The following CBLB variants were observed in gnomAD, a reference collection of about 807,000 sequenced individuals.
CBLB encodes the protein Cbl proto-oncogene B, also known as E3 ubiquitin-protein ligase CBL-B.
Under a neutral mutation model 104.9 loss-of-function variants are expected in CBLB, and 31 were observed. The ratio of observed to expected loss-of-function variants is 0.30; its 90% CI spans 0.22 to 0.40. The LOEUF (loss-of-function observed/expected upper bound fraction) is 0.40. Ranked by LOEUF, CBLB falls within the 10% of genes least tolerant of loss-of-function variation. The pLI, the probability that CBLB is intolerant of heterozygous loss-of-function variation, is 1.00. For synonymous variants in CBLB, 440 were observed against 422.6 expected (o/e 1.04, Z -0.51); for missense variants, 1,062 against 1,214.6 (o/e 0.87, Z 1.87).
chr3:105,819,717 G>A (rs2085562745), intron 3 of CBLB, among the ~76,000 whole-genome samples: 2 of 152,130 alleles, frequency 1.3e-5, no homozygotes. Flanking sequence ...TGGACTCACT[G>A]TCTTACATAG....
chr3:105,714,696 C>T (rs913859206), intron 10 of CBLB, among the ~76,000 whole-genome samples: 1 of 152,090 alleles, frequency 6.6e-6, no homozygotes, highest in Non-Finnish European at 1.5e-5. Context: ...GCTGCACAGC[C>T]GATTCCTAAC....
At chr3:105,721,236 A>G (rs1017587936) in intron 9 of CBLB, among the ~76,000 whole-genome samples, 5 of 152,228 alleles carry the variant, frequency 3.3e-5, no homozygotes, top group Admixed American at 6.5e-5. Flanking sequence ...CAAGGGATGC[A>G]GAGAGCTGAC....
chr3:105,783,268 T>C (rs926531306), intron 3 of CBLB, among the ~76,000 whole-genome samples: 2 of 130,760 alleles, frequency 1.5e-5, no homozygotes, highest in African/African-American at 5.1e-5. Context: ...GGTAAGACCC[T>C]GATGCATCTA....
At position 105,826,841 on chromosome 3, in the gene CBLB, G is replaced by T. The variant is rs2086652682; in HGVS notation, c.419+26573C>A. On this transcript the variant is annotated intron_variant, in intron 3 of 18. Coordinates refer to ENST00000394030, the MANE Select transcript of CBLB (RefSeq NM_170662.5). The stretch of plus-strand genomic sequence containing the variant: ...GAGGATTTTCTATGTTGGTATGAAA[G>T]GAAATGTTCCCTCAACTTTCTCATT... 4.6e-5 allele frequency among the ~76,000 whole-genome samples: 7 copies of T among 152,244 alleles called. No homozygotes were observed. In the South Asian group the frequency reaches 1.5e-3, roughly 32 times the overall value.
At chr3:105,713,730 A>G (rs2071436539) in intron 10 of CBLB, among the ~76,000 whole-genome samples, 1 of 152,216 alleles carries the variant, frequency 6.6e-6, no homozygotes. Flanking sequence ...ACAGAGTGCA[A>G]GTAAACGATG....
chr3:105,665,630 GA>G lies in CBLB; in HGVS notation c.2689+4602del, dbSNP rs2064354994. The stretch of plus-strand genomic sequence containing the variant: ...ATATATAAATGTATAATTATAAACA[GA>G]TAATATAAAATATACATTATTAAAT... On this transcript the variant is annotated intron_variant, in intron 18 of 18. Transcript: ENST00000394030. Among the ~76,000 whole-genome samples the G allele has an allele frequency of 4.1e-5, 6 of 146,108 alleles. No homozygotes were observed. In the South Asian group the frequency reaches 1.3e-3, roughly 31 times the overall value.
At chr3:105,773,815 T>C (rs1266046559) in intron 4 of CBLB, among the ~76,000 whole-genome samples, 2 of 152,200 alleles carry the variant, frequency 1.3e-5, no homozygotes. Flanking sequence ...GACTGCATTG[T>C]TAAAATATAT....
intron 3 of CBLB, among the ~76,000 whole-genome samples, chr3:105,835,729 C>T (rs917989138): frequency 6.6e-6 from 1 of 152,158 alleles, no homozygotes; most frequent in South Asian, 2.1e-4. Context: ...AAATTCTTGA[C>T]AGCAGTTTGA....
At chr3:105,773,174 G>A (rs1262500924) in intron 4 of CBLB, among the ~76,000 whole-genome samples, 1 of 152,056 alleles carries the variant, frequency 6.6e-6, no homozygotes, top group Non-Finnish European at 1.5e-5. Flanking sequence ...AAGAAAACAT[G>A]GCATATTTAC....
intron 17 of CBLB, 151 bp downstream of exon 17, chr3:105,678,280 C>T (rs1236156528): frequency 5.5e-6 from 4 of 721,960 alleles, no homozygotes; most frequent in South Asian, 1.6e-5. Flanking sequence ...GACAAACAAA[C>T]GTACCCACGA....
chr3:105,823,318 C>G (rs555577176), intron 3 of CBLB, among the ~76,000 whole-genome samples: 1 of 152,130 alleles, frequency 6.6e-6, no homozygotes, highest in Non-Finnish European at 1.5e-5. Flanking sequence ...CTCATAGATG[C>G]TTCTCTTGGA....
chr3:105,841,841 T>C (rs530000392), intron 3 of CBLB, among the ~76,000 whole-genome samples: 56 of 152,248 alleles, frequency 3.7e-4, no homozygotes, highest in Admixed American at 1.3e-3. Context: ...GAACATGAGA[T>C]ACATTATGGT....
At chr3:105,762,902 CA>C (rs2077800062) in intron 4 of CBLB, among the ~76,000 whole-genome samples, 1 of 152,230 alleles carries the variant, frequency 6.6e-6, no homozygotes, top group Non-Finnish European at 1.5e-5. Context: ...CACTCAACAT[CA>C]GCCCATGAAA....
At chr3:105,694,843 G>T (rs1469345552) in intron 12 of CBLB, among the ~76,000 whole-genome samples, 1 of 151,664 alleles carries the variant, frequency 6.6e-6, no homozygotes, top group African/African-American at 2.4e-5. Context: ...TAAATACAAT[G>T]ATTTTATCTG....
At chr3:105,765,369 C>T (rs998619117) in intron 4 of CBLB, among the ~76,000 whole-genome samples, 1 of 152,140 alleles carries the variant, frequency 6.6e-6, no homozygotes, top group African/African-American at 2.4e-5. Context: ...CTGATAGTTG[C>T]TCACTCTTTC....
rs557583619 is a variant in CBLB, at chr3:105,822,545, C to T, written c.419+30869G>A. Among the ~76,000 whole-genome samples the T allele has an allele frequency of 1.7e-3, 252 of 152,230 alleles. 1 individual carries two copies. Among genetic ancestry groups the T allele is most frequent in the African/African-American group, 4.4e-3 (183 of 41,540 alleles). On this transcript the variant is annotated intron_variant, in intron 3 of 18. Coordinates refer to ENST00000394030, the MANE Select transcript of CBLB (RefSeq NM_170662.5). ...GGAGGTTATTATCTGTTCTAGCATACTCAGGGCCAAACTAAACAAACAAAT... is the reference window on the plus strand; with the variant it reads ...GGAGGTTATTATCTGTTCTAGCATATTCAGGGCCAAACTAAACAAACAAAT...
At position 105,659,036 on chromosome 3, in the gene CBLB, T is replaced by A. The variant is rs748411039; in HGVS notation, c.2883A>T (p.Glu961Asp). ...ATTCTCGGAGGATGCTCCGGGCAAC[T>A]TCGACATTATTCTGGGCTATCTCTA... ...RALEIAQNNV[E>D]VARSILREFA... Residue 961 changes from glutamate to aspartate, a missense_variant, in exon 19 of 19, where the codon GAA (glutamate) becomes GAT (aspartate). Around this residue, in one of 2 missense-constraint regions of CBLB, gnomAD observed 605 missense variants for 582.6 expected, o/e 1.04. Transcript: ENST00000394030. 3.1e-6 allele frequency: 5 copies of A among 1,614,054 alleles called. No homozygotes were observed. In the South Asian group the frequency reaches 3.3e-5, roughly 11 times the overall value.
upstream of CBLB, chr3:105,869,419 G>T (rs1472414314): frequency 5.3e-6 from 7 of 1,332,442 alleles, no homozygotes; most frequent in East Asian, 2.9e-4. Context: ...TTCCTGCTTC[G>T]CTTACCTTCC....
At chr3:105,848,024 A>G (rs189025220) in intron 3 of CBLB, among the ~76,000 whole-genome samples, 17 of 152,170 alleles carry the variant, frequency 1.1e-4, no homozygotes, top group African/African-American at 4.1e-4. Flanking sequence ...ACACATACAC[A>G]CACATACACA....
Sources: allele counts gnomAD v4.1 joint callset (sites outside exome capture counted in the v4.1 genomes callset), GRCh38; gene constraint gnomAD v4.1.1; regional missense constraint gnomAD v4.1.1; transcripts MANE v1.5; gene names NCBI Gene and HGNC (gene_info 2026-07-23, HGNC 2026-07-21).